ATP9A: variants seen among roughly 807,000 people sequenced by gnomAD.
ATP9A encodes the protein ATPase phospholipid transporting 9A.
Under a neutral mutation model 144.1 loss-of-function variants are expected in ATP9A, and 52 were observed. The observed-to-expected ratio is 0.36, with a 90% CI of 0.29 to 0.45. ATP9A has a LOEUF of 0.45. Among genes scored for constraint, ATP9A ranks in the 20% least tolerant of loss-of-function variants. The probability of loss-of-function intolerance (pLI) is 1.00; values close to 1 mark genes in which losing one functional copy is unlikely to be tolerated. For synonymous variants in ATP9A, 582 were observed against 557.4 expected (o/e 1.04, Z -0.62); for missense variants, 947 against 1,392.7 (o/e 0.68, Z 5.09).
intron 15 of ATP9A, among the ~76,000 whole-genome samples, chr20:51,634,984 C>T (rs2077284789): frequency 6.6e-6 from 1 of 151,536 alleles, no homozygotes; most frequent in African/African-American, 2.4e-5. Context: ...CAAAGTGGCT[C>T]GCAATGCCCC....
At chr20:51,729,181 C>CT (rs1214247354) in intron 2 of ATP9A, among the ~76,000 whole-genome samples, 4 of 152,208 alleles carry the variant, frequency 2.6e-5, no homozygotes, top group Admixed American at 6.5e-5. Context: ...AATTTAAGCA[C>CT]TGCTGACATT....
At position 51,697,363 on chromosome 20, in the gene ATP9A, C is replaced by T. The variant is rs906953492; in HGVS notation, c.495+61G>A. 4.7e-6 allele frequency: 7 copies of T among 1,500,034 alleles called. No homozygotes were observed. The African/African-American group carries it at 5.6e-5, about 12-fold the overall frequency. The allele number at this position is 1,500,034 out of a possible 1,614,324, so 92.9% of individuals were successfully genotyped here. ...ACATTCACTTCGTCTACCAGATACA[C>T]AAATGACACATTAGGACCCATGAAG... is the stretch of plus-strand genomic sequence containing the variant. On this transcript the variant is annotated intron_variant, in intron 5 of 27. Transcript: ENST00000338821.
intron 9 of ATP9A, among the ~76,000 whole-genome samples, chr20:51,688,583 C>A (rs8120677): frequency 0.093 from 14,023 of 151,068 alleles, 1,078 homozygotes; most frequent in African/African-American, 0.21. Flanking sequence ...CAGTGTAAGA[C>A]CTTGTCTCAA....
chr20:51,761,585 C>T (rs1463374403), intron 1 of ATP9A, among the ~76,000 whole-genome samples: 1 of 152,004 alleles, frequency 6.6e-6, no homozygotes, highest in East Asian at 1.9e-4. Flanking sequence ...CACGGTGAAA[C>T]CCCGTCTCTA....
chr20:51,742,576 G>A (rs1200455569), intron 1 of ATP9A, among the ~76,000 whole-genome samples: 2 of 151,870 alleles, frequency 1.3e-5, no homozygotes, highest in African/African-American at 2.4e-5. Flanking sequence ...GTGCAGTGGC[G>A]CGATCTCAGC....
intron 14 of ATP9A, among the ~76,000 whole-genome samples, chr20:51,645,867 A>G (rs2077340309): frequency 6.6e-6 from 1 of 152,236 alleles, no homozygotes; most frequent in South Asian, 2.1e-4. Context: ...GTTCAAAGAA[A>G]TCACCCCGTA....
intron 1 of ATP9A, among the ~76,000 whole-genome samples, chr20:51,734,100 T>C (rs2122879903): frequency 6.6e-6 from 1 of 152,152 alleles, no homozygotes; most frequent in Non-Finnish European, 1.5e-5. Flanking sequence ...CCTCTCAGCC[T>C]CCCAAGTAGC....
chr20:51,601,316 C>G lies in ATP9A; in HGVS notation c.3039G>C (p.Leu1013Phe). The G allele has an allele frequency of 6.2e-7, 1 of 1,613,200 alleles. No homozygotes were observed. ...DVYFIATLSF[L>F]WKVSVITLVS... ...CCAGAGTGATGACGGAGACTTTCCA[C>G]AAGAATGACAAGGTGGCGATGAAGT... Residue 1013 changes from leucine (L) to phenylalanine (F), a missense_variant, in exon 28 of 28, where the codon TTG becomes TTC. By Grantham distance (22) the Leu-to-Phe change is conservative. Transcript: ENST00000338821.
chr20:51,661,526 C>CTTTT (rs533280164), intron 13 of ATP9A, among the ~76,000 whole-genome samples: 19 of 108,742 alleles, frequency 1.7e-4, no homozygotes, highest in Non-Finnish European at 2.4e-4. Context: ...CCATGCCCAG[C>CTTTT]TTTTTTTTTT....
At chr20:51,717,065 G>C (rs905598706) in intron 3 of ATP9A, among the ~76,000 whole-genome samples, 4 of 151,370 alleles carry the variant, frequency 2.6e-5, no homozygotes, top group South Asian at 4.2e-4. Context: ...CCAGCTCCTC[G>C]GGTGGCTGAG....
intron 18 of ATP9A, among the ~76,000 whole-genome samples, chr20:51,623,478 G>A (rs1047037131): frequency 2.6e-5 from 4 of 152,144 alleles, no homozygotes; most frequent in Non-Finnish European, 1.5e-5. Context: ...ACAAGGGGCT[G>A]ATTTAGAAAA....
At chr20:51,732,685 C>T (rs1305776029) in intron 1 of ATP9A, 1 of 146,842 alleles carries the variant, frequency 6.8e-6, no homozygotes, top group Non-Finnish European at 1.5e-5. Flanking sequence ...CAGAGACACA[C>T]ACAGAAGCCT....
At chr20:51,738,888 C>T (rs1354946264) in intron 1 of ATP9A, among the ~76,000 whole-genome samples, 1 of 152,062 alleles carries the variant, frequency 6.6e-6, no homozygotes, top group African/African-American at 2.4e-5. Flanking sequence ...TCGAGACCAG[C>T]CTGGACAACA....
Position 51,669,980 on chromosome 20 carries a change from G to T in ATP9A, c.1293+17C>A. ...AAGTCAAAGAATTGTTTTGGGTGTT[G>T]AAATGGAAGGCTTTACCTGGGTGTA... On this transcript the variant is annotated intron_variant, in intron 13 of 27. Coordinates refer to ENST00000338821, the MANE Select transcript of ATP9A (RefSeq NM_006045.3). The T allele has an allele frequency of 1.3e-6, 2 of 1,580,184 alleles. No homozygotes were observed. Among genetic ancestry groups the T allele is most frequent in the Non-Finnish European group, 1.7e-6 (2 of 1,150,122 alleles).
rs5841860 is a variant in ATP9A at position 51,752,053 on chromosome 20, C to CAA, written c.68+16247_68+16248dup. On this transcript the variant is annotated intron_variant, in intron 1 of 27. Coordinates refer to ENST00000338821, the MANE Select transcript of ATP9A (RefSeq NM_006045.3). ...TAGGTGGGCAAGGTAGGAACAACAA[C>CAA]AAAAAAAAAAAAACAAGAAAAAAAA... Among the ~76,000 whole-genome samples the CAA allele has an allele frequency of 4.0e-3, 571 of 144,012 alleles. 2 individuals carry two copies. Among genetic ancestry groups the CAA allele is most frequent in the Non-Finnish European group, 6.4e-3 (418 of 65,254 alleles). 94.5% of individuals were successfully genotyped at this position (144,012 alleles called of 152,430 possible). A position where few individuals can be genotyped will look rare whatever the true frequency, so the allele number is the denominator to read the frequency against.
intron 1 of ATP9A, among the ~76,000 whole-genome samples, chr20:51,747,016 GA>G (rs1181603394): frequency 2.0e-5 from 3 of 148,550 alleles, no homozygotes; most frequent in Non-Finnish European, 4.5e-5. Context: ...AAAAAAAAGA[GA>G]AAAGAAAAAG....
intron 3 of ATP9A, among the ~76,000 whole-genome samples, chr20:51,717,521 T>C (rs1345617289): frequency 6.6e-6 from 1 of 152,162 alleles, no homozygotes; most frequent in East Asian, 1.9e-4. Context: ...GACCAACTGC[T>C]GGAGGTGCCA....
intron 5 of ATP9A, 43 bp from the exon 6 acceptor site, chr20:51,696,187 G>A (rs779764578): frequency 5.6e-6 from 9 of 1,598,860 alleles, no homozygotes; most frequent in East Asian, 2.2e-5. Flanking sequence ...ATGAATGACC[G>A]TGTGCTGTGC....
chr20:51,683,410 GC>G (rs2077508911), intron 9 of ATP9A, among the ~76,000 whole-genome samples: 1 of 151,366 alleles, frequency 6.6e-6, no homozygotes, highest in African/African-American at 2.4e-5. Context: ...GATTACAGGC[GC>G]CCACCACCAC....
Sources: allele counts gnomAD v4.1 joint callset (sites outside exome capture counted in the v4.1 genomes callset), GRCh38; gene constraint gnomAD v4.1.1; transcripts MANE v1.5; gene names NCBI Gene and HGNC (gene_info 2026-07-23, HGNC 2026-07-21).